The following MYH7 variants were observed in gnomAD, a reference collection of about 807,000 sequenced individuals.
MYH7 encodes the protein myosin-7.
MYH7 carries 129 observed loss-of-function variants against 225.4 expected under a neutral mutation model. The observed-to-expected ratio is 0.57, with a 90% confidence interval of 0.50 to 0.66. The LOEUF (loss-of-function observed/expected upper bound fraction) is 0.66. Ranked by LOEUF, MYH7 falls within the 30% of genes least tolerant of loss-of-function variation. The pLI, the probability that MYH7 is intolerant of heterozygous loss-of-function variation, is 0.00. For missense variants in MYH7, 1,649 were observed against 2,517.0 expected, an observed-to-expected ratio of 0.66 and a Z score of 7.38; for synonymous variants, 971 against 1,007.6, an observed-to-expected ratio of 0.96 and a Z score of 0.69.
chr14:23,414,511 G>A (rs576826842), intron 37 of MYH7, among the ~76,000 whole-genome samples: 1 of 152,142 alleles, frequency 6.6e-6, no homozygotes, highest in Non-Finnish European at 1.5e-5. Flanking sequence ...TCTAAGTTAA[G>A]GACAAAGTGT....
Position 23,425,088 on chromosome 14 carries a change from C to T in MYH7, c.2424-64G>A, listed in dbSNP as rs1407296512. 1 of 1,613,184 alleles carries T rather than the reference C, an allele frequency of 6.2e-7. No homozygotes were observed. The highest frequency in any genetic ancestry group is 8.5e-7 in the Non-Finnish European group (1 of 1,179,670). On this transcript the variant is annotated intron_variant, in intron 21 of 39. Coordinates refer to ENST00000355349, the MANE Select transcript of MYH7 (RefSeq NM_000257.4). The surrounding 1 kb of genome is among the most constrained non-coding windows in gnomAD (Gnocchi z 4.6). ...CTCCTTCCTACCTGAGGTCCTGAAA[C>T]CTTGGGAATATCCCATTTCCTTCAT...
Position 23,419,519 on chromosome 14 carries a change from G to A in MYH7, c.3817C>T (p.Leu1273Phe), listed in dbSNP as rs2138652317. ...TGCAACTTGGCCCGCTGGCTGGTGAGGTCGTTGACAGAACGCTGGGTCTCC... is the reference window on the plus strand; with the variant it reads ...TGCAACTTGGCCCGCTGGCTGGTGAAGTCGTTGACAGAACGCTGGGTCTCC... Reference protein sequence around the residue: ...AEETQRSVNDLTSQRAKLQTE... With the variant: ...AEETQRSVNDFTSQRAKLQTE... The change falls in exon 28 of 40, where the codon CTC becomes TTC. Residue 1273 changes from leucine (L) to phenylalanine (F), a missense_variant. Coordinates refer to ENST00000355349, the MANE Select transcript of MYH7 (RefSeq NM_000257.4). 1.2e-6 allele frequency: 2 copies of A among 1,614,148 alleles called. No homozygotes were observed. The highest frequency in any genetic ancestry group is 2.2e-5 in the East Asian group (1 of 44,880).
In MYH7 at chr14:23,422,200, C is replaced by G. The variant is rs767369809; in HGVS notation, c.3225G>C (p.Gln1075His). 6.2e-7 allele frequency: 1 copy of G among 1,613,240 alleles called. No homozygotes were observed. The highest frequency in any genetic ancestry group is 1.7e-5 in the Admixed American group (1 of 60,000). The change falls in exon 25 of 40, where the codon CAG becomes CAC. Residue 1075 changes from glutamine to histidine, a missense_variant. Around this residue, in one of 12 missense-constraint regions of MYH7, gnomAD observed 282 missense variants for 315.3 expected, o/e 0.89. Transcript: ENST00000355349. ...AGTACTTTTTCAGCCGCTCATCCAG[C>G]TGCTGCTTGTCATTCTCCAGGTCCA... ...SIMDLENDKQ[Q>H]LDERLKKKDF...
At chr14:23,428,113 T>G (rs1244330454) in intron 15 of MYH7, among the ~76,000 whole-genome samples, 4 of 152,214 alleles carry the variant, frequency 2.6e-5, no homozygotes, top group African/African-American at 9.6e-5. Flanking sequence ...ATATGGATTC[T>G]ATCGATGCTG....
chr14:23,416,649 A>G lies in MYH7; in HGVS notation c.4644+219T>C, dbSNP rs1290695962. Among the ~76,000 whole-genome samples, 6 of 152,220 alleles carry G rather than the reference A, an allele frequency of 3.9e-5. No homozygotes were observed. The South Asian group carries it at 1.2e-3, about 31-fold the overall frequency. ...GGAGGTATGTGGAAATGGGAAGCTC[A>G]GCTAAGATGCAATGGGTAAAATGTT... On this transcript the variant is annotated intron_variant, in intron 33 of 39. Coordinates refer to ENST00000355349, the MANE Select transcript of MYH7 (RefSeq NM_000257.4).
At chr14:23,435,309 T>C (rs1205781598) in intron 1 of MYH7, among the ~76,000 whole-genome samples, 1 of 152,142 alleles carries the variant, frequency 6.6e-6, no homozygotes, top group Non-Finnish European at 1.5e-5. Flanking sequence ...TTGATATTTC[T>C]GTATCAGTCA....
chr14:23,414,820 C>G (rs1243226122), intron 37 of MYH7, among the ~76,000 whole-genome samples, 175 bp downstream of exon 37: 4 of 152,114 alleles, frequency 2.6e-5, no homozygotes, highest in Admixed American at 2.6e-4. Flanking sequence ...GGCTCAGAGA[C>G]TGACCTCTGA....
intron 5 of MYH7, 46 bp downstream of exon 5, chr14:23,432,593 G>A (rs762497538): frequency 6.8e-6 from 11 of 1,614,088 alleles, no homozygotes; most frequent in Admixed American, 6.7e-5. Context: ...TCTCCCTCCC[G>A]GCCTATCCCA....
chr14:23,417,912 T>C, intron 30 of MYH7: 9 of 870,966 alleles, frequency 1.0e-5, no homozygotes, highest in Non-Finnish European at 1.8e-5. Context: ...CTATGGACAT[T>C]GAGGAGGTAT....
intron 15 of MYH7, 67 bp from the exon 16 acceptor site, chr14:23,427,961 G>A: frequency 6.3e-7 from 1 of 1,593,928 alleles, no homozygotes; most frequent in Non-Finnish European, 8.6e-7. Flanking sequence ...CTGCTCTATG[G>A]TCAATATACT....
Position 23,414,934 on chromosome 14 carries a change from C to G in MYH7, c.5559+61G>C, listed in dbSNP as rs913454484. The G allele has an allele frequency of 1.9e-5, 30 of 1,600,296 alleles. No individual in the cohort carries two copies. The African/African-American group carries it at 3.7e-4, about 20-fold the overall frequency. Reference sequence around the variant, plus strand: ...CTAAGAGCAAACTCTTCATTCTCCTCAGCTGGTTGTCACTGTGGCTATGGT... The same window carrying G: ...CTAAGAGCAAACTCTTCATTCTCCTGAGCTGGTTGTCACTGTGGCTATGGT... On this transcript the variant is annotated intron_variant, in intron 37 of 39. Coordinates refer to ENST00000355349, the MANE Select transcript of MYH7 (RefSeq NM_000257.4).
intron 30 of MYH7, 142 bp downstream of exon 30, chr14:23,418,068 G>A: frequency 8.0e-7 from 1 of 1,248,538 alleles, no homozygotes; most frequent in Non-Finnish European, 1.2e-6. Flanking sequence ...GAGAGGAGAA[G>A]GAGGTGGGGC....
At chr14:23,420,854 A>T in intron 26 of MYH7, 104 bp downstream of exon 26, 1 of 866,130 alleles carries the variant, frequency 1.2e-6, no homozygotes, top group Non-Finnish European at 1.9e-6. Flanking sequence ...ATGGACACAT[A>T]ATCAGTTCCT....
chr14:23,431,116 A>G lies in MYH7; in HGVS notation c.797-117T>C. On this transcript the variant is annotated intron_variant, in intron 9 of 39. Coordinates refer to ENST00000355349, the MANE Select transcript of MYH7 (RefSeq NM_000257.4). The stretch of plus-strand genomic sequence containing the variant: ...AGGGAAGGGAAGAGCCAGAGAGACT[A>G]GTTGGACAGACACAAAGAGATCACA... 5.1e-6 allele frequency: 4 copies of G among 781,730 alleles called. No homozygotes were observed. The South Asian group carries it at 5.7e-5, about 11-fold the overall frequency. 48.4% of individuals were successfully genotyped at this position (781,730 alleles called of 1,614,324 possible).
At chr14:23,429,976 CT>C (rs2138677842) in intron 11 of MYH7, 63 bp from the exon 12 acceptor site, 1 of 1,597,418 alleles carries the variant, frequency 6.3e-7, no homozygotes, top group East Asian at 2.2e-5. Context: ...AGTGAGATCC[CT>C]TGTAAGTTGG....
rs1312350943 is a variant in MYH7 at position 23,425,690 on chromosome 14, C to T, written c.2286+5G>A. 3.1e-6 allele frequency: 5 copies of T among 1,613,986 alleles called. No individual in the cohort carries two copies. The highest frequency in any genetic ancestry group is 4.2e-6 in the Non-Finnish European group (5 of 1,179,864). On this transcript the variant is annotated splice_donor_5th_base_variant and intron_variant, in intron 20 of 39. Coordinates refer to ENST00000355349, the MANE Select transcript of MYH7 (RefSeq NM_000257.4). The surrounding 1 kb of genome is among the most constrained non-coding windows in gnomAD (Gnocchi z 4.6). ...TCCTTTAATTAATTAGTCTCCTTTC[C>T]TCACCTTGGTGTGGCCAAACTTGTA...
rs1892241504 is a variant in MYH7, at chr14:23,416,997, G to A, written c.4520-5C>T. 1.2e-6 allele frequency: 2 copies of A among 1,614,228 alleles called. No individual in the cohort carries two copies. The highest frequency in any genetic ancestry group is 1.3e-5 in the African/African-American group (1 of 75,048). ...CAGTCAAGTCGGAGATCTCCTCTGT[G>A]TGGGGAACACGGTAACTCGGTTGAG... On this transcript the variant is annotated splice_region_variant and splice_polypyrimidine_tract_variant and intron_variant, in intron 32 of 39. Coordinates refer to ENST00000355349, the MANE Select transcript of MYH7 (RefSeq NM_000257.4).
chr14:23,432,854 T>G lies in MYH7; in HGVS notation c.346-59A>C, dbSNP rs1893005194. On this transcript the variant is annotated intron_variant, in intron 4 of 39. Transcript: ENST00000355349. ...TGCGAAGGGGGAGGGCTGGTGATTT[T>G]GGGAGTTAGAGAAAGATCCCAGGAG... 9 of 1,606,292 alleles carry G rather than the reference T, an allele frequency of 5.6e-6. No homozygotes were observed. The South Asian group carries it at 8.8e-5, about 16-fold the overall frequency.
Position 23,415,931 on chromosome 14 carries a change from G to A in MYH7, c.4953+73C>T. On this transcript the variant is annotated intron_variant, in intron 34 of 39. Transcript: ENST00000355349. This position sits in a 1 kb window ranked among gnomAD's most constrained non-coding sequence, Gnocchi z 6.3. Reference sequence around the variant, plus strand: ...CCCTGCAGTAACCTAGGGGCAGGAGGAATCTGGTGCCTGTATCAAGACACT... The same window carrying A: ...CCCTGCAGTAACCTAGGGGCAGGAGAAATCTGGTGCCTGTATCAAGACACT... 6.2e-7 allele frequency: 1 copy of A among 1,613,362 alleles called. No individual in the cohort carries two copies. The highest frequency in any genetic ancestry group is 8.5e-7 in the Non-Finnish European group (1 of 1,179,510).
Sources: gnomAD v4.1 joint callset for allele counts (sites outside exome capture counted in the v4.1 genomes callset) on GRCh38, gnomAD v4.1.1 for gene constraint, gnomAD v4.1.1 regional missense constraint, Gnocchi (gnomAD v3.1) non-coding constraint, MANE v1.5 for transcripts, NCBI Gene and HGNC (gene_info 2026-07-23, HGNC 2026-07-21) for gene names.